The following CNTN5 variants were observed in gnomAD, a reference collection of about 807,000 sequenced individuals.
CNTN5 encodes contactin-5.
In CNTN5, 77 loss-of-function variants were observed where a neutral mutation model predicts 129.1. The ratio of observed to expected loss-of-function variants is 0.60; its 90% CI spans 0.50 to 0.72. CNTN5 has a LOEUF of 0.72. CNTN5 is among the 30% of genes least tolerant of loss of function. The pLI, the probability that CNTN5 is intolerant of heterozygous loss-of-function variation, is 0.00. For synonymous variants in CNTN5, 509 were observed against 465.6 expected, an observed-to-expected ratio of 1.09 and a Z score of -1.20; for missense variants, 1,478 against 1,328.8, an observed-to-expected ratio of 1.11 and a Z score of -1.75.
At chr11:99,217,796 G>A (rs1426844050) in intron 1 of CNTN5, among the ~76,000 whole-genome samples, 1 of 151,758 alleles carries the variant, frequency 6.6e-6, no homozygotes, top group African/African-American at 2.4e-5. Flanking sequence ...TTTACATAAG[G>A]CCAATCCTTC....
At chr11:99,524,055 T>C (rs1415704518) in intron 2 of CNTN5, among the ~76,000 whole-genome samples, 1 of 152,078 alleles carries the variant, frequency 6.6e-6, no homozygotes, top group Admixed American at 6.6e-5. Context: ...ATTTGAAAAA[T>C]AGAAATAAAT....
chr11:99,530,980 G>T (rs963600391), intron 2 of CNTN5, among the ~76,000 whole-genome samples: 1 of 152,212 alleles, frequency 6.6e-6, no homozygotes, highest in Non-Finnish European at 1.5e-5. Flanking sequence ...TTGCTGAAAA[G>T]ATACCCGAAA....
chr11:100,043,994 G>A (rs1203605769), intron 9 of CNTN5, among the ~76,000 whole-genome samples: 1 of 151,798 alleles, frequency 6.6e-6, no homozygotes, highest in East Asian at 1.9e-4. Context: ...CCTGAATAAT[G>A]TACATTGTGC....
intron 1 of CNTN5, among the ~76,000 whole-genome samples, chr11:99,082,557 G>A (rs7130407): frequency 0.034 from 5,249 of 152,184 alleles, 284 homozygotes; most frequent in African/African-American, 0.12. Flanking sequence ...TTTAGTGCAA[G>A]GAATTATGGA....
chr11:99,087,037 T>G (rs1866034606), intron 1 of CNTN5, among the ~76,000 whole-genome samples: 1 of 152,210 alleles, frequency 6.6e-6, no homozygotes, highest in South Asian at 2.1e-4. Context: ...AAGCTTGATT[T>G]TGAGTCCACT....
At chr11:99,609,807 C>G (rs998254891) in intron 3 of CNTN5, among the ~76,000 whole-genome samples, 1 of 152,126 alleles carries the variant, frequency 6.6e-6, no homozygotes, top group South Asian at 2.1e-4. Flanking sequence ...TATTAGTGCT[C>G]TGGCTCAACT....
At chr11:99,742,427 C>G (rs567043522) in intron 3 of CNTN5, among the ~76,000 whole-genome samples, 1 of 152,100 alleles carries the variant, frequency 6.6e-6, no homozygotes. Flanking sequence ...GGTTCAGTAA[C>G]CAATCATTTG....
intron 3 of CNTN5, among the ~76,000 whole-genome samples, chr11:99,774,812 G>A (rs961912500): frequency 6.6e-6 from 1 of 151,758 alleles, no homozygotes; most frequent in Non-Finnish European, 1.5e-5. Flanking sequence ...TAATAAATCC[G>A]CTCTCCAGTT....
chr11:99,772,828 C>A (rs1029476456), intron 3 of CNTN5, among the ~76,000 whole-genome samples: 3 of 152,006 alleles, frequency 2.0e-5, no homozygotes, highest in Non-Finnish European at 4.4e-5. Flanking sequence ...ATCTGTGGCA[C>A]ACATACACAC....
At position 99,625,917 on chromosome 11, in the gene CNTN5, TATATATACAC is replaced by T. The variant is rs5742471; in HGVS notation, c.55+69650_55+69659del. 0.01 allele frequency among the ~76,000 whole-genome samples: 1,276 copies of T among 127,026 alleles called. 64 individuals are homozygous for T. In the East Asian group the frequency reaches 0.25, roughly 24 times the overall value. The allele number at this position is 127,026 out of a possible 152,430, so 83.3% of individuals were successfully genotyped here. A position where few individuals can be genotyped will look rare whatever the true frequency, so the allele number is the denominator to read the frequency against. ...GGGCAAGATTATATATATATATATA[TATATATACAC>T]ACACACACACACACACATAAATCTA... On this transcript the variant is annotated intron_variant, in intron 3 of 24. Coordinates refer to ENST00000524871, the MANE Select transcript of CNTN5 (RefSeq NM_014361.4).
chr11:99,059,019 A>G (rs890447313), intron 1 of CNTN5, among the ~76,000 whole-genome samples: 1 of 149,936 alleles, frequency 6.7e-6, no homozygotes, highest in Non-Finnish European at 1.5e-5. Flanking sequence ...TTAATAAAGG[A>G]AAGCATATTA....
At chr11:100,226,387 G>T in intron 16 of CNTN5, among the ~76,000 whole-genome samples, 1 of 152,228 alleles carries the variant, frequency 6.6e-6, no homozygotes, top group African/African-American at 2.4e-5. Context: ...ATTTTTACTG[G>T]ACTATAGGGG....
chr11:99,831,940 A>G (rs1947153624), intron 4 of CNTN5, among the ~76,000 whole-genome samples: 1 of 152,162 alleles, frequency 6.6e-6, no homozygotes, highest in South Asian at 2.1e-4. Flanking sequence ...ATCAGCTTTC[A>G]TGATTGCTCT....
intron 10 of CNTN5, among the ~76,000 whole-genome samples, chr11:100,063,571 C>G (rs1943568789): frequency 6.6e-6 from 1 of 152,004 alleles, no homozygotes; most frequent in South Asian, 2.1e-4. Flanking sequence ...GAAAATCCCA[C>G]TTTACATCTG....
At chr11:99,051,427 A>G (rs1050880020) in intron 1 of CNTN5, among the ~76,000 whole-genome samples, 2 of 151,934 alleles carry the variant, frequency 1.3e-5, no homozygotes, top group Non-Finnish European at 2.9e-5. Context: ...CTGAAAGTAC[A>G]GCATTTATTT....
intron 2 of CNTN5, among the ~76,000 whole-genome samples, chr11:99,437,098 G>T (rs1177799811): frequency 3.3e-5 from 5 of 152,102 alleles, no homozygotes; most frequent in Admixed American, 6.5e-5. Flanking sequence ...CACCTCCAAA[G>T]GTTTCACCAA....
chr11:99,323,629 A>G (rs1865662540), intron 1 of CNTN5, among the ~76,000 whole-genome samples: 1 of 152,122 alleles, frequency 6.6e-6, no homozygotes, highest in African/African-American at 2.4e-5. Context: ...AAGTAATGGC[A>G]GTAAAAAGAA....
intron 15 of CNTN5, among the ~76,000 whole-genome samples, chr11:100,217,098 T>C (rs1185364769): frequency 6.6e-6 from 1 of 152,222 alleles, no homozygotes. Flanking sequence ...AATGACTTTT[T>C]GTACTATTAC....
intron 3 of CNTN5, among the ~76,000 whole-genome samples, chr11:99,786,685 C>A (rs1356420100): frequency 6.6e-6 from 1 of 152,066 alleles, no homozygotes; most frequent in Non-Finnish European, 1.5e-5. Flanking sequence ...GAACAGAGAC[C>A]TCAGAAATAA....
Sources: gnomAD v4.1 joint callset for allele counts (sites outside exome capture counted in the v4.1 genomes callset) on GRCh38, gnomAD v4.1.1 for gene constraint, MANE v1.5 for transcripts, NCBI Gene and HGNC (gene_info 2026-07-23, HGNC 2026-07-21) for gene names.